SH3PXD2A: variants seen among roughly 807,000 people sequenced by gnomAD.
SH3PXD2A encodes the protein SH3 and PX domain-containing protein 2A.
In SH3PXD2A, 32 loss-of-function variants were observed where a neutral mutation model predicts 115.2. The ratio of observed to expected loss-of-function variants is 0.28; its 90% CI spans 0.21 to 0.37. The LOEUF (loss-of-function observed/expected upper bound fraction) is 0.37, where lower values mean the gene tolerates loss of function less well. Among genes scored for constraint, SH3PXD2A ranks in the 10% least tolerant of loss-of-function variants. The pLI, the probability that SH3PXD2A is intolerant of heterozygous loss-of-function variation, is 1.00. For missense variants in SH3PXD2A, 1,328 were observed against 1,498.7 expected (o/e 0.89, Z 1.88); for synonymous variants, 610 against 629.1 (o/e 0.97, Z 0.45).
intron 5 of SH3PXD2A, among the ~76,000 whole-genome samples, chr10:103,715,710 C>A (rs2038097489): frequency 6.6e-6 from 1 of 152,256 alleles, no homozygotes. Context: ...AAGAGGCTGG[C>A]AGCCAGACAT....
chr10:103,847,945 AAAAAAAAC>A (rs1391257550), intron 1 of SH3PXD2A, among the ~76,000 whole-genome samples: 4 of 5,834 alleles, frequency 6.9e-4, no homozygotes, highest in African/African-American at 9.3e-4. Flanking sequence ...ACTCAAAAAA[AAAAAAAAC>A]CAACTAAAAC....
At chr10:103,843,790 C>A (rs777632701) in intron 1 of SH3PXD2A, among the ~76,000 whole-genome samples, 1 of 152,148 alleles carries the variant, frequency 6.6e-6, no homozygotes, top group Non-Finnish European at 1.5e-5. Context: ...CTGAAGAGAT[C>A]TGGGATGCAA....
chr10:103,641,256 C>T (rs1005997722), intron 8 of SH3PXD2A, among the ~76,000 whole-genome samples: 26 of 152,262 alleles, frequency 1.7e-4, no homozygotes, highest in Middle Eastern at 3.4e-3. Context: ...ACAACCATGA[C>T]GCCAAAATCT....
At chr10:103,643,477 T>C (rs1462071081) in intron 8 of SH3PXD2A, among the ~76,000 whole-genome samples, 4 of 152,210 alleles carry the variant, frequency 2.6e-5, no homozygotes. Flanking sequence ...CATTCCTAGG[T>C]ATAGACGGGA....
chr10:103,596,688 C>CTCTCTCT lies in SH3PXD2A; in HGVS notation c.*5127_*5128insAGAGAGA, dbSNP rs71709843. 2 of 75,822 alleles carry CTCTCTCT rather than the reference C, an allele frequency of 2.6e-5. No homozygotes were observed. Among genetic ancestry groups the CTCTCTCT allele is most frequent in the African/African-American group, 7.2e-5 (2 of 27,896 alleles). The allele number at this position is 75,822 out of a possible 1,614,324, so 4.7% of individuals were successfully genotyped here. A position where few individuals can be genotyped will look rare whatever the true frequency, so the allele number is the denominator to read the frequency against. On this transcript the variant is annotated 3_prime_UTR_variant, in exon 15 of 15. Coordinates refer to ENST00000369774, the MANE Select transcript of SH3PXD2A (RefSeq NM_001394015.1). ...ACTCTCTCTCTCTCTCTCTCTCTCACAACACATGGCCCTCAAAAAAGTGAG... is the reference window on the plus strand; with the variant it reads ...ACTCTCTCTCTCTCTCTCTCTCTCACTCTCTCTAACACATGGCCCTCAAAAAAGTGAG...
chr10:103,799,711 G>A (rs981352922), intron 2 of SH3PXD2A, among the ~76,000 whole-genome samples: 3 of 152,174 alleles, frequency 2.0e-5, no homozygotes, highest in Non-Finnish European at 4.4e-5. Context: ...GTCCTTTCAG[G>A]GTTCCCTCTC....
chr10:103,814,328 C>G (rs968626503), intron 1 of SH3PXD2A, among the ~76,000 whole-genome samples: 1 of 152,164 alleles, frequency 6.6e-6, no homozygotes, highest in Non-Finnish European at 1.5e-5. Flanking sequence ...CCAGGAGGAA[C>G]AGCTGAGAGA....
At chr10:103,844,127 G>A (rs1253473119) in intron 1 of SH3PXD2A, among the ~76,000 whole-genome samples, 6 of 152,242 alleles carry the variant, frequency 3.9e-5, no homozygotes, top group Non-Finnish European at 5.9e-5. Flanking sequence ...CCTTAACTCT[G>A]CAAGAGAAGC....
intron 1 of SH3PXD2A, among the ~76,000 whole-genome samples, chr10:103,850,027 C>T (rs1842882584): frequency 6.6e-6 from 1 of 152,128 alleles, no homozygotes; most frequent in Admixed American, 6.5e-5. Context: ...CAGGCTGAGG[C>T]AATTAGAAGG....
At chr10:103,723,513 C>T (rs1233753741) in intron 5 of SH3PXD2A, among the ~76,000 whole-genome samples, 2 of 152,170 alleles carry the variant, frequency 1.3e-5, no homozygotes, top group Non-Finnish European at 2.9e-5. Context: ...AGTGGGCCAT[C>T]TTTACCACCA....
At chr10:103,821,996 T>G (rs1020235379) in intron 1 of SH3PXD2A, among the ~76,000 whole-genome samples, 4 of 152,024 alleles carry the variant, frequency 2.6e-5, no homozygotes, top group Non-Finnish European at 5.9e-5. Context: ...CTCTGCCTCC[T>G]GGGTTCAAGT....
chr10:103,721,473 A>G (rs2038181074), intron 5 of SH3PXD2A, among the ~76,000 whole-genome samples: 1 of 152,220 alleles, frequency 6.6e-6, no homozygotes, highest in African/African-American at 2.4e-5. Context: ...ACTTAATGCC[A>G]TGAATGAAGT....
chr10:103,781,797 G>A (rs989507190), intron 2 of SH3PXD2A, among the ~76,000 whole-genome samples: 7 of 152,220 alleles, frequency 4.6e-5, no homozygotes, highest in African/African-American at 1.4e-4. Flanking sequence ...GGACTTGCCA[G>A]ATGGCCTCTG....
intron 2 of SH3PXD2A, among the ~76,000 whole-genome samples, chr10:103,787,480 C>G (rs544627793): frequency 2.0e-5 from 3 of 152,202 alleles, no homozygotes. Flanking sequence ...CCCTGTTGCA[C>G]TGCTGGATGG....
At chr10:103,835,438 T>A (rs1261762120) in intron 1 of SH3PXD2A, among the ~76,000 whole-genome samples, 1 of 152,214 alleles carries the variant, frequency 6.6e-6, no homozygotes, top group Non-Finnish European at 1.5e-5. Context: ...TTATTCGAAG[T>A]GAAATCGCTT....
At chr10:103,668,526 G>A (rs1288357705) in intron 7 of SH3PXD2A, 82 bp downstream of exon 7, 26 of 1,210,998 alleles carry the variant, frequency 2.1e-5, no homozygotes, top group Middle Eastern at 1.9e-4. Flanking sequence ...GGAAGCATGC[G>A]CAGGGCCTGC....
intron 13 of SH3PXD2A, among the ~76,000 whole-genome samples, chr10:103,608,099 TA>T (rs1362620856): frequency 7.7e-6 from 1 of 130,702 alleles, no homozygotes; most frequent in Non-Finnish European, 1.5e-5. Context: ...ACTATTGTCC[TA>T]TGACCCTGCC....
At chr10:103,826,107 G>A (rs1309727949) in intron 1 of SH3PXD2A, among the ~76,000 whole-genome samples, 1 of 151,746 alleles carries the variant, frequency 6.6e-6, no homozygotes, top group Non-Finnish European at 1.5e-5. Context: ...CAATATGAAA[G>A]TATTGTCAGC....
At chr10:103,713,956 C>T in intron 5 of SH3PXD2A, among the ~76,000 whole-genome samples, 1 of 152,172 alleles carries the variant, frequency 6.6e-6, no homozygotes. Context: ...CCGGGCCTCA[C>T]ATAGAGATGA....
Sources: gnomAD v4.1 joint callset for allele counts (sites outside exome capture counted in the v4.1 genomes callset) on GRCh38, gnomAD v4.1.1 for gene constraint, MANE v1.5 for transcripts, NCBI Gene and HGNC (gene_info 2026-07-23, HGNC 2026-07-21) for gene names.